The following FBXL20 variants were observed in gnomAD, a reference collection of about 807,000 sequenced individuals.
FBXL20 encodes the protein F-box/LRR-repeat protein 20.
A neutral mutation model predicts 64.0 loss-of-function variants in FBXL20; 11 were observed. The ratio of observed to expected loss-of-function variants is 0.17; its 90% CI spans 0.11 to 0.28. The LOEUF is 0.28. Among genes scored for constraint, FBXL20 ranks in the 10% least tolerant of loss-of-function variants. The pLI is 1.00. For missense variants in FBXL20, 303 were observed against 526.2 expected, an observed-to-expected ratio of 0.58 and a Z score of 4.15; for synonymous variants, 184 against 189.0, an observed-to-expected ratio of 0.97 and a Z score of 0.22.
At chr17:39,365,977 C>T (rs2047855777) in intron 1 of FBXL20, among the ~76,000 whole-genome samples, 1 of 152,068 alleles carries the variant, frequency 6.6e-6, no homozygotes, top group Admixed American at 6.6e-5. Context: ...TACTAAAAGA[C>T]AACAACGGAA....
intron 1 of FBXL20, among the ~76,000 whole-genome samples, chr17:39,354,775 A>C (rs757485021): frequency 6.6e-6 from 1 of 152,232 alleles, no homozygotes; most frequent in Non-Finnish European, 1.5e-5. Flanking sequence ...AGCAAATAAG[A>C]TATGAATGAT....
chr17:39,382,565 G>A (rs919025612), intron 1 of FBXL20, among the ~76,000 whole-genome samples: 1 of 152,146 alleles, frequency 6.6e-6, no homozygotes, highest in Non-Finnish European at 1.5e-5. Flanking sequence ...GGGCAAAGTG[G>A]CTCATACCTG....
At chr17:39,360,372 T>G (rs890722461) in intron 1 of FBXL20, among the ~76,000 whole-genome samples, 1 of 152,332 alleles carries the variant, frequency 6.6e-6, no homozygotes, top group East Asian at 1.9e-4. Context: ...ACACTTGAAA[T>G]TGCTTTACGT....
chr17:39,280,464 G>A (rs1443706555), intron 9 of FBXL20, among the ~76,000 whole-genome samples: 1 of 151,702 alleles, frequency 6.6e-6, no homozygotes, highest in Admixed American at 6.6e-5. Flanking sequence ...GCAGAAGGCT[G>A]AGGCAGGAGA....
upstream of FBXL20, chr17:39,401,789 G>T: frequency 2.1e-6 from 2 of 957,302 alleles, no homozygotes; most frequent in Non-Finnish European, 2.6e-6. Context: ...CCCACACGGG[G>T]CCGGCCCTGA....
At chr17:39,324,456 T>A (rs1278190530) in intron 2 of FBXL20, among the ~76,000 whole-genome samples, 1 of 151,880 alleles carries the variant, frequency 6.6e-6, no homozygotes, top group East Asian at 1.9e-4. Context: ...ACCCGGCTAA[T>A]TTTTTACATT....
chr17:39,324,648 T>A (rs548982061), intron 2 of FBXL20, among the ~76,000 whole-genome samples: 57 of 152,314 alleles, frequency 3.7e-4, no homozygotes, highest in Admixed American at 1.3e-3. Context: ...TATAAAATTG[T>A]GAATTTAGAG....
At chr17:39,344,969 C>A (rs2047618890) in intron 1 of FBXL20, among the ~76,000 whole-genome samples, 1 of 152,128 alleles carries the variant, frequency 6.6e-6, no homozygotes, top group African/African-American at 2.4e-5. Context: ...ACGAGAGCCA[C>A]CATTTTTGCC....
chr17:39,391,127 T>G (rs1449259318), intron 1 of FBXL20, among the ~76,000 whole-genome samples: 1 of 151,984 alleles, frequency 6.6e-6, no homozygotes, highest in Non-Finnish European at 1.5e-5. Flanking sequence ...CATTTAAAAT[T>G]TATTTGCAGT....
At chr17:39,291,360 G>GGGAGGGA (rs1478897394) in intron 6 of FBXL20, among the ~76,000 whole-genome samples, 2 of 151,784 alleles carry the variant, frequency 1.3e-5, no homozygotes, top group African/African-American at 2.4e-5. Flanking sequence ...TAGGTAGGGA[G>GGGAGGGA]GGAGGGAGGA....
At chr17:39,361,939 TAA>T (rs2047798927) in intron 1 of FBXL20, among the ~76,000 whole-genome samples, 2 of 148,702 alleles carry the variant, frequency 1.3e-5, no homozygotes, top group South Asian at 2.1e-4. Flanking sequence ...CTCTAATATT[TAA>T]AAAGAGTAAA....
chr17:39,365,746 T>C (rs2144624676), intron 1 of FBXL20, among the ~76,000 whole-genome samples: 1 of 152,320 alleles, frequency 6.6e-6, no homozygotes, highest in Admixed American at 6.5e-5. Flanking sequence ...TTCCATGAAC[T>C]CTGAAGAACT....
At chr17:39,268,989 T>A (rs1412244727) in intron 11 of FBXL20, 118 bp from the exon 12 acceptor site, 2 of 871,328 alleles carry the variant, frequency 2.3e-6, no homozygotes, top group Non-Finnish European at 3.6e-6. Flanking sequence ...CTTTGGTGTT[T>A]CAGAGCTAGT....
At chr17:39,303,801 G>A (rs1030761334) in intron 2 of FBXL20, among the ~76,000 whole-genome samples, 162 bp from the exon 3 acceptor site, 11 of 152,000 alleles carry the variant, frequency 7.2e-5, no homozygotes, top group African/African-American at 7.3e-5. Context: ...ATCCTCCCAC[G>A]TCAAGCTCCT....
At chr17:39,342,260 G>A (rs1334855286) in intron 2 of FBXL20, among the ~76,000 whole-genome samples, 1 of 152,010 alleles carries the variant, frequency 6.6e-6, no homozygotes, top group Non-Finnish European at 1.5e-5. Flanking sequence ...CTAAATCTTA[G>A]TAAACCTCAA....
chr17:39,294,986 T>C (rs1358253111), intron 6 of FBXL20, among the ~76,000 whole-genome samples: 7 of 152,172 alleles, frequency 4.6e-5, no homozygotes, highest in African/African-American at 1.4e-4. Flanking sequence ...AAAAAGTTAA[T>C]GCACTCATAT....
chr17:39,277,171 T>A (rs676882), intron 9 of FBXL20, among the ~76,000 whole-genome samples: 117,809 of 152,156 alleles, frequency 0.77, 46,302 homozygotes, highest in South Asian at 0.91. Flanking sequence ...AAATATAGAT[T>A]AAAAAAATTG....
chr17:39,304,072 C>T (rs2047160487), intron 2 of FBXL20, among the ~76,000 whole-genome samples: 1 of 152,074 alleles, frequency 6.6e-6, no homozygotes, highest in Non-Finnish European at 1.5e-5. Context: ...AGAAGAAACA[C>T]ACAAAATGCT....
At chr17:39,265,313 ACAC>A in intron 13 of FBXL20, 81 bp downstream of exon 13, 13 of 1,028,986 alleles carry the variant, frequency 1.3e-5, no homozygotes, top group Non-Finnish European at 1.9e-5. Context: ...TGGTAGCCAG[ACAC>A]TAAGAGCTGG....
Sources: allele counts gnomAD v4.1 joint callset (sites outside exome capture counted in the v4.1 genomes callset), GRCh38; gene constraint gnomAD v4.1.1; transcripts MANE v1.5; gene names NCBI Gene and HGNC (gene_info 2026-07-23, HGNC 2026-07-21).